Variants in MELK observed in about 807,000 individuals in gnomAD.
The protein encoded by MELK is maternal embryonic leucine zipper kinase.
MELK carries 81 observed loss-of-function variants against 85.0 expected under a neutral mutation model. The observed-to-expected ratio is 0.95, with a 90% CI of 0.80 to 1.15. The LOEUF is 1.15. Among genes scored for constraint, MELK ranks in the 50% most tolerant of loss-of-function variants. The pLI is 0.00. For missense variants in MELK, 754 were observed against 777.5 expected (o/e 0.97, Z 0.36); for synonymous variants, 252 against 265.0 (o/e 0.95, Z 0.48).
At chr9:36,645,256 C>CA (rs398046556) in intron 11 of MELK, among the ~76,000 whole-genome samples, 5,955 of 60,378 alleles carry the variant, frequency 0.099, 295 homozygotes, top group African/African-American at 0.17. Flanking sequence ...GACTCCGTCT[C>CA]AAAAAAAAAA....
At chr9:36,627,740 T>C (rs932907707) in intron 8 of MELK, among the ~76,000 whole-genome samples, 1 of 151,980 alleles carries the variant, frequency 6.6e-6, no homozygotes, top group Non-Finnish European at 1.5e-5. Context: ...TTGGTCAGGC[T>C]GGTCTCAAAC....
At chr9:36,643,138 T>A (rs983197045) in intron 11 of MELK, 55 bp downstream of exon 11, 15 of 1,444,784 alleles carry the variant, frequency 1.0e-5, no homozygotes, top group Non-Finnish European at 1.3e-5. Context: ...ATCCAAACAC[T>A]TTGGGAGGCC....
At chr9:36,665,681 T>A in intron 14 of MELK, 100 bp downstream of exon 14, 1 of 844,632 alleles carries the variant, frequency 1.2e-6, no homozygotes, top group East Asian at 2.8e-5. Context: ...CTTTCAGGAA[T>A]TTCTAGGAGA....
At chr9:36,581,776 C>G in intron 2 of MELK, 37 bp downstream of exon 2, 1 of 1,498,486 alleles carries the variant, frequency 6.7e-7, no homozygotes, top group Non-Finnish European at 9.3e-7. Context: ...GTGGATAGAT[C>G]AACTATTTGA....
rs950427195 is a variant in MELK at position 36,630,209 on chromosome 9, C to A, written c.667-90C>A. The A allele has an allele frequency of 4.1e-6, 4 of 966,396 alleles. No homozygotes were observed. The African/African-American group carries it at 6.5e-5, about 16-fold the overall frequency. The allele number at this position is 966,396 out of a possible 1,614,324, so 59.9% of individuals were successfully genotyped here. On this transcript the variant is annotated intron_variant, in intron 8 of 17. Transcript: ENST00000298048. ...ATTGTAGTTGGGTGAAGTCTTCAAG[C>A]TTAAAAGTAAACCTCCAGCATGTTA...
chr9:36,653,249 C>T (rs1333958355), intron 12 of MELK, among the ~76,000 whole-genome samples: 1 of 152,108 alleles, frequency 6.6e-6, no homozygotes, highest in Non-Finnish European at 1.5e-5. Flanking sequence ...CAGGCTCAAG[C>T]AATCCTCCTG....
Position 36,589,594 on chromosome 9 carries a change from A to G in MELK, c.203A>G (p.His68Arg), listed in dbSNP as rs1587346929. Residue 68 changes from histidine (H) to arginine (R), a missense_variant, in exon 4 of 18, where the codon CAT becomes CGT. By Grantham distance (29) the His-to-Arg change is conservative (BLOSUM62 0). Coordinates refer to ENST00000298048, the MANE Select transcript of MELK (RefSeq NM_014791.4). ...GCCTTGAAGAACCTGAGACATCAGC[A>G]TATATGTCAACTCTACCATGTGCTA... ...IEALKNLRHQ[H>R]ICQLYHVLET... is the part of the protein sequence containing the mutation. The G allele has an allele frequency of 6.2e-7, 1 of 1,614,166 alleles. No homozygotes were observed. Among genetic ancestry groups the G allele is most frequent in the Non-Finnish European group, 8.5e-7 (1 of 1,180,000 alleles).
At chr9:36,632,269 A>C (rs1828713157) in intron 9 of MELK, among the ~76,000 whole-genome samples, 1 of 152,196 alleles carries the variant, frequency 6.6e-6, no homozygotes, top group Admixed American at 6.5e-5. Context: ...TCTGAGGGTG[A>C]AAGATAGGAG....
chr9:36,636,764 CT>C (rs1271799673), intron 10 of MELK, among the ~76,000 whole-genome samples: 11 of 119,570 alleles, frequency 9.2e-5, no homozygotes, highest in African/African-American at 3.2e-4. Context: ...TTCTTTCTTT[CT>C]TTCTTTCTTT....
intron 16 of MELK, among the ~76,000 whole-genome samples, chr9:36,674,143 G>A (rs1294679041): frequency 1.3e-5 from 2 of 152,178 alleles, no homozygotes; most frequent in Non-Finnish European, 2.9e-5. Context: ...TACTTACCAG[G>A]AAGGGAGGGA....
chr9:36,658,471 T>A (rs1268066615), intron 13 of MELK, among the ~76,000 whole-genome samples: 1 of 152,190 alleles, frequency 6.6e-6, no homozygotes, highest in Non-Finnish European at 1.5e-5. Flanking sequence ...AACTCCAGAA[T>A]TTGTTTTGTT....
At chr9:36,582,510 A>G (rs1822359372) in intron 2 of MELK, among the ~76,000 whole-genome samples, 2 of 138,530 alleles carry the variant, frequency 1.4e-5, no homozygotes, top group Admixed American at 6.8e-5. Context: ...GGGGTGGGAC[A>G]TTTTACACAC....
At chr9:36,575,629 T>G (rs1587289746) in intron 1 of MELK, among the ~76,000 whole-genome samples, 1 of 152,188 alleles carries the variant, frequency 6.6e-6, no homozygotes, top group African/African-American at 2.4e-5. Flanking sequence ...GTGCATGGCT[T>G]CAGTCTTACC....
chr9:36,591,023 T>C (rs1216252381), intron 4 of MELK, among the ~76,000 whole-genome samples: 2 of 152,104 alleles, frequency 1.3e-5, no homozygotes, highest in Non-Finnish European at 1.5e-5. Context: ...GTCCAGGAGT[T>C]TGAAGCTGCA....
chr9:36,654,869 A>G (rs1053038386), intron 12 of MELK, among the ~76,000 whole-genome samples: 2 of 152,242 alleles, frequency 1.3e-5, no homozygotes, highest in Non-Finnish European at 2.9e-5. Flanking sequence ...AATAGAAATC[A>G]AATTTTGGGT....
At chr9:36,603,564 T>G (rs1825144555) in intron 7 of MELK, among the ~76,000 whole-genome samples, 1 of 152,002 alleles carries the variant, frequency 6.6e-6, no homozygotes, top group Non-Finnish European at 1.5e-5. Context: ...CCCAAGTAGC[T>G]GGGACTACAG....
chr9:36,609,898 C>G (rs1163817056), intron 8 of MELK, among the ~76,000 whole-genome samples: 2 of 152,100 alleles, frequency 1.3e-5, no homozygotes, highest in Non-Finnish European at 2.9e-5. Flanking sequence ...CAGGTATAAG[C>G]TATCTAAAAA....
chr9:36,675,037 G>GTGCTGGGATTA, intron 17 of MELK, 100 bp downstream of exon 17: 1 of 768,884 alleles, frequency 1.3e-6, no homozygotes, highest in Non-Finnish European at 2.1e-6. Context: ...TGTAATCCCA[G>GTGCTGGGATTA]CACTTTGGGA....
intron 7 of MELK, among the ~76,000 whole-genome samples, chr9:36,602,316 C>T (rs1335346553): frequency 6.6e-6 from 1 of 151,630 alleles, no homozygotes; most frequent in Non-Finnish European, 1.5e-5. Flanking sequence ...CATGATGAAT[C>T]CCTGTCTCTA....
Sources: gnomAD v4.1 joint callset for allele counts (sites outside exome capture counted in the v4.1 genomes callset) on GRCh38, gnomAD v4.1.1 for gene constraint, MANE v1.5 for transcripts, NCBI Gene and HGNC (gene_info 2026-07-23, HGNC 2026-07-21) for gene names.